ARFGEF3: variants seen among roughly 807,000 people sequenced by gnomAD.
ARFGEF3 encodes ARFGEF family member 3.
A neutral mutation model predicts 221.7 loss-of-function variants in ARFGEF3; 96 were observed. The observed-to-expected ratio is 0.43, with a 90% confidence interval of 0.37 to 0.51. ARFGEF3 has a LOEUF of 0.51. Among genes scored for constraint, ARFGEF3 ranks in the 20% least tolerant of loss-of-function variants. The pLI is 0.00. For missense variants in ARFGEF3, 2,410 were observed against 2,789.9 expected, an observed-to-expected ratio of 0.86 and a Z score of 3.07; for synonymous variants, 1,145 against 1,126.8, an observed-to-expected ratio of 1.02 and a Z score of -0.32.
intron 6 of ARFGEF3, among the ~76,000 whole-genome samples, chr6:138,240,113 T>C (rs1246407876): frequency 6.6e-6 from 1 of 152,208 alleles, no homozygotes; most frequent in East Asian, 1.9e-4. Flanking sequence ...TTTTTATTAC[T>C]TTAGCTTACA....
chr6:138,321,684 A>G (rs1207416198), intron 29 of ARFGEF3, among the ~76,000 whole-genome samples: 1 of 152,240 alleles, frequency 6.6e-6, no homozygotes, highest in Non-Finnish European at 1.5e-5. Flanking sequence ...AGGCTCTTCA[A>G]ACTAAAAATA....
chr6:138,216,663 A>G (rs1418947720), intron 4 of ARFGEF3: 2 of 152,196 alleles, frequency 1.3e-5, no homozygotes, highest in Admixed American at 1.3e-4. Context: ...TGAAATGGCT[A>G]ATTTGTCTTG....
chr6:138,243,443 G>A (rs1778429275), intron 7 of ARFGEF3, among the ~76,000 whole-genome samples: 1 of 152,150 alleles, frequency 6.6e-6, no homozygotes, highest in South Asian at 2.1e-4. Context: ...CTTGCAGACA[G>A]CCCAATTTAA....
rs1364031472 is a variant in ARFGEF3, at chr6:138,307,347, G to A, written c.3923G>A (p.Gly1308Asp). The A allele has an allele frequency of 6.2e-7, 1 of 1,613,974 alleles. No homozygotes were observed. Among genetic ancestry groups the A allele is most frequent in the Non-Finnish European group, 8.5e-7 (1 of 1,179,860 alleles). ...TTCAGTGCCCTGGAAACAGTGCATG[G>A]CGGGAACAAGTCAGAGATGAAGGAG... Reference protein sequence around the residue: ...PLFSALETVHGGNKSEMKEYL... With the variant: ...PLFSALETVHDGNKSEMKEYL... The change falls in exon 23 of 34, where the codon GGC (glycine) becomes GAC (aspartate). Residue 1308 changes from glycine (G) to aspartate (D), a missense_variant. By Grantham distance (94) the Gly-to-Asp change is moderately conservative. Around this residue, in one of 5 missense-constraint regions of ARFGEF3, gnomAD observed 723 missense variants for 991.9 expected, o/e 0.73. Transcript: ENST00000251691.
Position 138,170,705 on chromosome 6 carries a change from T to G in ARFGEF3, c.129T>G (p.His43Gln). The G allele has an allele frequency of 6.3e-7, 1 of 1,575,106 alleles. No homozygotes were observed. The highest frequency in any genetic ancestry group is 8.7e-7 in the Non-Finnish European group (1 of 1,144,834). ...GLDTIVKIPP[H>Q]VLREKCLLPL... Reference sequence around the variant, plus strand: ...ATACCATTGTCAAGATCCCTCCACATGTACTGAGGTAGGAGATGGACATTG... The same window carrying G: ...ATACCATTGTCAAGATCCCTCCACAGGTACTGAGGTAGGAGATGGACATTG... Residue 43 changes from histidine (H) to glutamine (Q), a missense_variant, in exon 2 of 34, where the codon CAT (histidine) becomes CAG (glutamine). Physicochemically the swap from His to Gln is conservative, Grantham distance 24. This residue lies in a region of ARFGEF3 where 570 missense variants were observed against 586.9 expected (regional missense o/e 0.97). Transcript: ENST00000251691.
chr6:138,198,715 C>T (rs1777478167), intron 2 of ARFGEF3, among the ~76,000 whole-genome samples: 3 of 152,290 alleles, frequency 2.0e-5, no homozygotes, highest in South Asian at 4.1e-4. Flanking sequence ...CATATCCAAA[C>T]TGCCTACACC....
intron 23 of ARFGEF3, among the ~76,000 whole-genome samples, chr6:138,307,678 G>A (rs919739601): frequency 1.3e-5 from 2 of 152,112 alleles, no homozygotes; most frequent in African/African-American, 4.8e-5. Context: ...CACGTCTAAA[G>A]CCAAAAAGAA....
chr6:138,212,531 T>C (rs1777749708), intron 4 of ARFGEF3, among the ~76,000 whole-genome samples: 1 of 152,248 alleles, frequency 6.6e-6, no homozygotes, highest in South Asian at 2.1e-4. Context: ...ACTGGATATA[T>C]ACCCAAAGGA....
intron 12 of ARFGEF3, among the ~76,000 whole-genome samples, chr6:138,272,801 C>T (rs1025703673): frequency 6.6e-6 from 1 of 152,208 alleles, no homozygotes; most frequent in South Asian, 2.1e-4. Context: ...CTCTTGTGCA[C>T]AGTTGGTAGG....
chr6:138,287,506 C>T (rs1051383035), intron 17 of ARFGEF3, among the ~76,000 whole-genome samples: 1 of 152,220 alleles, frequency 6.6e-6, no homozygotes, highest in Non-Finnish European at 1.5e-5. Flanking sequence ...CACAAGTGCA[C>T]ACTTGAAGAC....
At chr6:138,206,671 C>T (rs1207519297) in intron 2 of ARFGEF3, among the ~76,000 whole-genome samples, 6 of 152,156 alleles carry the variant, frequency 3.9e-5, no homozygotes, top group African/African-American at 1.2e-4. Context: ...CTTAATGATG[C>T]TTCCTAGAGT....
rs976763237 is a variant in ARFGEF3 at position 138,262,127 on chromosome 6, G to A, written c.1217+488G>A. Among the ~76,000 whole-genome samples, 8 of 151,270 alleles carry A rather than the reference G, an allele frequency of 5.3e-5. 1 individual carries two copies. The South Asian group carries it at 6.3e-4, about 12-fold the overall frequency. ...GGAAAGTCATAAATACTCATCAGGAGCTTCTATTTGTACCCAAAAAACCAG... is the reference window on the plus strand; with the variant it reads ...GGAAAGTCATAAATACTCATCAGGAACTTCTATTTGTACCCAAAAAACCAG... On this transcript the variant is annotated intron_variant, in intron 11 of 33. Coordinates refer to ENST00000251691, the MANE Select transcript of ARFGEF3 (RefSeq NM_020340.5).
intron 31 of ARFGEF3, among the ~76,000 whole-genome samples, chr6:138,326,877 T>C (rs545486514): frequency 2.1e-4 from 32 of 152,140 alleles, no homozygotes; most frequent in Non-Finnish European, 2.8e-4. Flanking sequence ...CCATAAATGA[T>C]AAACTGGATA....
Position 138,262,805 on chromosome 6 carries a change from G to A in ARFGEF3, c.1322G>A (p.Ser441Asn). 1 of 1,614,022 alleles carries A rather than the reference G, an allele frequency of 6.2e-7. No individual in the cohort carries two copies. Among genetic ancestry groups the A allele is most frequent in the Non-Finnish European group, 8.5e-7 (1 of 1,179,886 alleles). ...CTLLGALDEL[S>N]QGKGLSEGQV... ...TTGCTGGGTGCCCTGGATGAGCTCA[G>A]CCAGGGGAAGGGCTTGAGCGAAGGT... is the stretch of plus-strand genomic sequence containing the variant. Residue 441 changes from serine to asparagine, a missense_variant, in exon 12 of 34, where the codon AGC (serine) becomes AAC (asparagine). By Grantham distance (46) the Ser-to-Asn change is conservative. Coordinates refer to ENST00000251691, the MANE Select transcript of ARFGEF3 (RefSeq NM_020340.5).
intron 2 of ARFGEF3, among the ~76,000 whole-genome samples, chr6:138,178,031 C>T (rs1470471689): frequency 6.6e-6 from 1 of 152,098 alleles, no homozygotes; most frequent in Non-Finnish European, 1.5e-5. Context: ...CATTACCTTA[C>T]TTTTGTATGC....
intron 32 of ARFGEF3, among the ~76,000 whole-genome samples, chr6:138,333,599 T>A (rs6570226): frequency 6.6e-6 from 1 of 151,950 alleles, no homozygotes; most frequent in African/African-American, 2.4e-5. Context: ...CCCGCCACCA[T>A]GCCCGGCTAA....
intron 2 of ARFGEF3, among the ~76,000 whole-genome samples, chr6:138,192,487 C>CA (rs200370749): frequency 0.078 from 11,179 of 143,354 alleles, 801 homozygotes; most frequent in East Asian, 0.38. Context: ...AACTCTGTCT[C>CA]AAAAAAAAAC....
intron 8 of ARFGEF3, among the ~76,000 whole-genome samples, chr6:138,250,628 C>T (rs1778562655): frequency 6.6e-6 from 1 of 152,218 alleles, no homozygotes; most frequent in Admixed American, 6.5e-5. Flanking sequence ...TCCAGAGATA[C>T]AAAACGTGCT....
rs2114635691 is a variant in ARFGEF3, at chr6:138,291,330, A to T, written c.3048-403A>T. Among the ~76,000 whole-genome samples, 1 of 152,244 alleles carries T rather than the reference A, an allele frequency of 6.6e-6. No individual in the cohort carries two copies. Among genetic ancestry groups the T allele is most frequent in the East Asian group, 1.9e-4 (1 of 5,170 alleles). ...GCCATTCTGGGATCCCATCGTAGGG[A>T]AACGCTTCCCAACTCCTAATCAGAG... On this transcript the variant is annotated intron_variant, in intron 18 of 33. Transcript: ENST00000251691. This position sits in a 1 kb window ranked among gnomAD's most constrained non-coding sequence, Gnocchi z 4.5.
Sources: allele counts gnomAD v4.1 joint callset (sites outside exome capture counted in the v4.1 genomes callset), GRCh38; gene constraint gnomAD v4.1.1; regional missense constraint gnomAD v4.1.1; non-coding constraint Gnocchi (gnomAD v3.1); transcripts MANE v1.5; gene names NCBI Gene and HGNC (gene_info 2026-07-23, HGNC 2026-07-21).